The following XKR9 variants were observed in gnomAD, a reference collection of about 807,000 sequenced individuals.
XKR9 encodes the protein XK related 9.
Under a neutral mutation model 32.0 loss-of-function variants are expected in XKR9, and 32 were observed. That is an observed-to-expected ratio of 1.00 (90% CI 0.76 to 1.34). The LOEUF is 1.34. Ranked by LOEUF, XKR9 falls within the 40% of genes most tolerant of loss-of-function variation. The pLI is 0.00. For synonymous variants in XKR9, 168 were observed against 143.4 expected (o/e 1.17, Z -1.22); for missense variants, 546 against 429.7 (o/e 1.27, Z -2.39).
chr8:71,064,437 A>G, the XKR9 span, among the ~76,000 whole-genome samples: 1 of 152,208 alleles, frequency 6.6e-6, no homozygotes, highest in Non-Finnish European at 1.5e-5. Context: ...AGAAATTTAT[A>G]TCATTGTCAA....
intron 2 of XKR9, among the ~76,000 whole-genome samples, chr8:70,770,727 C>T (rs1396399470): frequency 2.0e-5 from 3 of 152,158 alleles, no homozygotes; most frequent in Non-Finnish European, 2.9e-5. Context: ...GGGAAAACTG[C>T]CTACTCAAGC....
the XKR9 span, among the ~76,000 whole-genome samples, chr8:70,830,504 T>C: frequency 0.32 from 48,475 of 151,862 alleles, 9,090 homozygotes; most frequent in Non-Finnish European, 0.43. Context: ...GGAAGATCAC[T>C]TGGGCCTGGG....
At chr8:70,975,716 G>A in the XKR9 span, among the ~76,000 whole-genome samples, 1 of 152,154 alleles carries the variant, frequency 6.6e-6, no homozygotes, top group African/African-American at 2.4e-5. Flanking sequence ...GATTGTCTTG[G>A]CAATGCAGTC....
At chr8:71,050,933 T>A in the XKR9 span, among the ~76,000 whole-genome samples, 1 of 152,152 alleles carries the variant, frequency 6.6e-6, no homozygotes. Flanking sequence ...TTTAAAAACA[T>A]GTACTTCTCA....
chr8:70,670,190 A>G (rs973858525), intron 1 of XKR9, among the ~76,000 whole-genome samples: 3 of 152,036 alleles, frequency 2.0e-5, no homozygotes, highest in African/African-American at 7.3e-5. Flanking sequence ...TCGCACTAAC[A>G]CTTGTCCCCC....
chr8:70,768,679 A>G (rs1426045549), intron 2 of XKR9, among the ~76,000 whole-genome samples: 1 of 151,458 alleles, frequency 6.6e-6, no homozygotes, highest in African/African-American at 2.4e-5. Flanking sequence ...CCATTAAGTA[A>G]TGCCCTTCTT....
At chr8:70,755,573 G>A (rs1187369143) in intron 2 of XKR9, among the ~76,000 whole-genome samples, 1 of 152,022 alleles carries the variant, frequency 6.6e-6, no homozygotes, top group Non-Finnish European at 1.5e-5. Flanking sequence ...GGAATACTAT[G>A]CAGCCATAAA....
At chr8:70,919,550 G>A in the XKR9 span, among the ~76,000 whole-genome samples, 15 of 152,150 alleles carry the variant, frequency 9.9e-5, no homozygotes, top group Non-Finnish European at 1.6e-4. Context: ...CCAGGATAGC[G>A]CTTTAACAAC....
chr8:70,748,004 TTC>T (rs766808763), intron 2 of XKR9, among the ~76,000 whole-genome samples: 29 of 152,242 alleles, frequency 1.9e-4, no homozygotes, highest in Non-Finnish European at 4.3e-4. Context: ...TTGATATTCT[TTC>T]ACCAAGATAG....
chr8:70,782,935 A>G (rs1011456360), intron 2 of XKR9, among the ~76,000 whole-genome samples: 3 of 152,146 alleles, frequency 2.0e-5, no homozygotes, highest in African/African-American at 7.2e-5. Flanking sequence ...GTTTGGGTAA[A>G]TACTCAGAAG....
At chr8:70,811,743 A>G in the XKR9 span, among the ~76,000 whole-genome samples, 2 of 152,240 alleles carry the variant, frequency 1.3e-5, no homozygotes, top group South Asian at 2.1e-4. Flanking sequence ...TAAACCAGGA[A>G]GAAGTTGAAT....
At chr8:70,907,545 A>C in the XKR9 span, among the ~76,000 whole-genome samples, 1 of 152,208 alleles carries the variant, frequency 6.6e-6, no homozygotes, top group African/African-American at 2.4e-5. Flanking sequence ...GCACTGAAGA[A>C]AGGTAGAAAA....
At chr8:71,013,044 G>T in the XKR9 span, among the ~76,000 whole-genome samples, 1 of 152,156 alleles carries the variant, frequency 6.6e-6, no homozygotes, top group Non-Finnish European at 1.5e-5. Flanking sequence ...TGGAGATGGG[G>T]TGTGTGAGAT....
At chr8:70,719,654 A>G (rs907039213) in intron 4 of XKR9, among the ~76,000 whole-genome samples, 1 of 151,970 alleles carries the variant, frequency 6.6e-6, no homozygotes, top group African/African-American at 2.4e-5. Flanking sequence ...ATTGTTCTAT[A>G]TATCTGTTTT....
chr8:70,801,562 G>A, the XKR9 span, among the ~76,000 whole-genome samples: 3 of 152,112 alleles, frequency 2.0e-5, no homozygotes, highest in African/African-American at 7.2e-5. Flanking sequence ...AAAATTTGCT[G>A]AGAATTGTGT....
chr8:71,062,946 G>T, the XKR9 span, among the ~76,000 whole-genome samples: 2 of 151,982 alleles, frequency 1.3e-5, no homozygotes, highest in Admixed American at 1.3e-4. Context: ...GCTATAAGCC[G>T]TACATTTACT....
Position 70,680,788 on chromosome 8 carries a change from C to CGACA in XKR9, c.-271_-270insGACA. ...ATATCTGTTTTATTTTAGGTCTTGT[C>CGACA]ATCTGTAATGAAGATCATTGTGAAA... On this transcript the variant is annotated 5_prime_UTR_variant, in exon 3 of 5. An upstream open reading frame in the 5' UTR loses its in-frame stop. Coordinates refer to ENST00000408926, the MANE Select transcript of XKR9 (RefSeq NM_001011720.2). 1 of 235,932 alleles carries CGACA rather than the reference C, an allele frequency of 4.2e-6. No individual in the cohort carries two copies. The highest frequency in any genetic ancestry group is 8.2e-6 in the Non-Finnish European group (1 of 122,004). 14.6% of individuals were successfully genotyped at this position (235,932 alleles called of 1,614,324 possible).
At chr8:70,964,182 A>G in the XKR9 span, among the ~76,000 whole-genome samples, 13 of 152,292 alleles carry the variant, frequency 8.5e-5, no homozygotes, top group South Asian at 2.7e-3. Flanking sequence ...GATTTTCTCC[A>G]TATGGCTAGC....
At chr8:70,854,273 G>A in the XKR9 span, among the ~76,000 whole-genome samples, 2 of 152,116 alleles carry the variant, frequency 1.3e-5, no homozygotes, top group Non-Finnish European at 2.9e-5. Flanking sequence ...TTCTCTGATG[G>A]CCAGTGATGA....
Sources: allele counts gnomAD v4.1 joint callset (sites outside exome capture counted in the v4.1 genomes callset), GRCh38; gene constraint gnomAD v4.1.1; transcripts MANE v1.5; gene names NCBI Gene and HGNC (gene_info 2026-07-23, HGNC 2026-07-21).